The following SPTLC1 variants were observed in gnomAD, a reference collection of about 807,000 sequenced individuals.
SPTLC1 encodes serine palmitoyltransferase 1.
A neutral mutation model predicts 68.9 loss-of-function variants in SPTLC1; 55 were observed. The ratio of observed to expected loss-of-function variants is 0.80; its 90% CI spans 0.64 to 1.00. The LOEUF (loss-of-function observed/expected upper bound fraction) is 1.00, where lower values mean the gene tolerates loss of function less well. Ranked by LOEUF, SPTLC1 falls within the 50% of genes least tolerant of loss-of-function variation. The probability of loss-of-function intolerance (pLI) is 0.00; values close to 1 mark genes in which losing one functional copy is unlikely to be tolerated. For synonymous variants in SPTLC1, 197 were observed against 201.6 expected, an observed-to-expected ratio of 0.98 and a Z score of 0.19; for missense variants, 449 against 573.1, an observed-to-expected ratio of 0.78 and a Z score of 2.21.
rs2118316582 is a variant in SPTLC1, at chr9:92,032,228, GTCA to G, written c.*234_*236del. 1 of 1,435,824 alleles carries G rather than the reference GTCA, an allele frequency of 7.0e-7. No individual in the cohort carries two copies. Among genetic ancestry groups the G allele is most frequent in the Non-Finnish European group, 9.3e-7 (1 of 1,072,366 alleles). The allele number at this position is 1,435,824 out of a possible 1,614,324, so 88.9% of individuals were successfully genotyped here. On this transcript the variant is annotated 3_prime_UTR_variant, in exon 15 of 15. Transcript: ENST00000262554. ...ACAATTTAAACATCAGTTATACACT[GTCA>G]TTAGTTTTCCTCTTAAAAAAATCAG...
At chr9:92,091,205 C>G (rs1835349574) in intron 3 of SPTLC1, among the ~76,000 whole-genome samples, 1 of 152,074 alleles carries the variant, frequency 6.6e-6, no homozygotes, top group Non-Finnish European at 1.5e-5. Context: ...ATACATATTC[C>G]TGGGAGCGGG....
chr9:92,046,248 C>T (rs1046568914), intron 11 of SPTLC1, 195 bp from the exon 12 acceptor site: 1 of 605,080 alleles, frequency 1.7e-6, no homozygotes, highest in South Asian at 2.0e-5. Context: ...GGCCCCTTCT[C>T]ACCTCAGTAT....
At chr9:92,069,974 A>G (rs1258720688) in intron 5 of SPTLC1, 1 of 152,252 alleles carries the variant, frequency 6.6e-6, no homozygotes, top group African/African-American at 2.4e-5. Context: ...AACTGAGTAT[A>G]ACCCTGTTTC....
At chr9:92,033,830 G>A (rs1833052911) in intron 14 of SPTLC1, among the ~76,000 whole-genome samples, 1 of 152,154 alleles carries the variant, frequency 6.6e-6, no homozygotes, top group Non-Finnish European at 1.5e-5. Context: ...ACAGGTGTGG[G>A]CCACTGCACC....
At chr9:92,094,359 A>G (rs1022559126) in intron 3 of SPTLC1, among the ~76,000 whole-genome samples, 6 of 152,360 alleles carry the variant, frequency 3.9e-5, no homozygotes, top group African/African-American at 1.4e-4. Flanking sequence ...GCAGCTTTTT[A>G]GTTTATGCTT....
intron 3 of SPTLC1, among the ~76,000 whole-genome samples, chr9:92,081,849 T>A (rs1325713311): frequency 6.6e-6 from 1 of 152,144 alleles, no homozygotes; most frequent in Non-Finnish European, 1.5e-5. Context: ...CCAGAAAAAA[T>A]GGAGAAACAC....
chr9:92,051,760 G>A (rs534780127), intron 8 of SPTLC1, among the ~76,000 whole-genome samples: 79 of 152,238 alleles, frequency 5.2e-4, no homozygotes, highest in Non-Finnish European at 8.4e-4. Context: ...TTCAGCAGAA[G>A]TTACATTATG....
chr9:92,034,812 G>A lies in SPTLC1; in HGVS notation c.1326C>T (p.Pro442=). 6.2e-7 allele frequency: 1 copy of A among 1,613,618 alleles called. No individual in the cohort carries two copies. The highest frequency in any genetic ancestry group is 1.3e-5 in the African/African-American group (1 of 75,018). ...GTCATATTTTAACGTCAACTGACCT[G>A]GGAGGAGGGAGACACTTCTCTTCTT... ...LEKEEKCLPP[P]SIRVVVTVEQ... The change falls in exon 14 of 15, where the codon CCC becomes CCT. Residue 442 remains proline, a splice_region_variant and synonymous_variant. Coordinates refer to ENST00000262554, the MANE Select transcript of SPTLC1 (RefSeq NM_006415.4).
intron 1 of SPTLC1, among the ~76,000 whole-genome samples, chr9:92,114,692 G>A (rs759140984): frequency 1.1e-3 from 159 of 150,740 alleles, no homozygotes; most frequent in Non-Finnish European, 1.1e-3. Flanking sequence ...CCGAGATCAC[G>A]CCCTTGCACT....
chr9:92,073,968 T>A (rs1161756593), intron 5 of SPTLC1, among the ~76,000 whole-genome samples: 1 of 152,204 alleles, frequency 6.6e-6, no homozygotes, highest in Non-Finnish European at 1.5e-5. Context: ...CATGCCCCTG[T>A]GTGGGCCCTC....
intron 6 of SPTLC1, among the ~76,000 whole-genome samples, chr9:92,064,076 G>A (rs1763264687): frequency 1.3e-5 from 2 of 152,138 alleles, no homozygotes; most frequent in South Asian, 4.1e-4. Context: ...ATGACATGAC[G>A]ACTGTCTACA....
chr9:92,109,353 T>C (rs964843854), intron 2 of SPTLC1: 6 of 163,806 alleles, frequency 3.7e-5, no homozygotes, highest in Admixed American at 1.1e-4. Flanking sequence ...TAGGAGGACA[T>C]TGACCCCCAA....
intron 8 of SPTLC1, chr9:92,051,231 A>ATATGGAACC: frequency 5.1e-6 from 5 of 983,414 alleles, no homozygotes; most frequent in Non-Finnish European, 6.0e-6. Flanking sequence ...TAAAAACAAC[A>ATATGGAACC]TATGGAACCC....
rs1053461779 is a variant in SPTLC1, at chr9:92,084,590, C to T, written c.261-3627G>A. Among the ~76,000 whole-genome samples, 647 of 152,186 alleles carry T rather than the reference C, an allele frequency of 4.3e-3. 4 individuals carry two copies. Among genetic ancestry groups the T allele is most frequent in the African/African-American group, 0.014 (598 of 41,488 alleles). ...CCAGCCTTGCATCCCAGGGATGAAG[C>T]CCACTTGATCATGGTGGACAAGCTT... On this transcript the variant is annotated intron_variant, in intron 3 of 14. Coordinates refer to ENST00000262554, the MANE Select transcript of SPTLC1 (RefSeq NM_006415.4).
chr9:92,079,861 C>T, intron 5 of SPTLC1, 155 bp downstream of exon 5: 3 of 740,130 alleles, frequency 4.1e-6, no homozygotes, highest in Non-Finnish European at 7.3e-6. Flanking sequence ...CCCTATATTG[C>T]CCATGCTGGT....
In SPTLC1 at chr9:92,109,035, A is replaced by G. The variant is rs918970944; in HGVS notation, c.166-201T>C. The G allele has an allele frequency of 5.8e-6, 4 of 693,042 alleles. No homozygotes were observed. In the African/African-American group the frequency reaches 7.3e-5, roughly 13 times the overall value. The allele number at this position is 693,042 out of a possible 1,614,324, so 42.9% of individuals were successfully genotyped here. A position where few individuals can be genotyped will look rare whatever the true frequency, so the allele number is the denominator to read the frequency against. ...ATAATGACCCACCAGACACATGCCT[A>G]CCATAGAGTTGTACCTAGCCCTTGA... On this transcript the variant is annotated intron_variant, in intron 2 of 14. Transcript: ENST00000262554.
intron 8 of SPTLC1, among the ~76,000 whole-genome samples, chr9:92,053,563 C>T (rs1833784376): frequency 6.6e-6 from 1 of 152,144 alleles, no homozygotes; most frequent in African/African-American, 2.4e-5. Context: ...ATTATCCATG[C>T]AATGGACTAT....
At position 92,047,586 on chromosome 9, in the gene SPTLC1, T is replaced by C. The variant is rs974836999; in HGVS notation, c.984+27A>G. The C allele has an allele frequency of 2.7e-6, 4 of 1,486,262 alleles. No homozygotes were observed. In the African/African-American group the frequency reaches 4.2e-5, roughly 16 times the overall value. 92.1% of individuals were successfully genotyped at this position (1,486,262 alleles called of 1,614,324 possible). The stretch of plus-strand genomic sequence containing the variant: ...CCAATGGAGAAATTAGTTTCAGTTT[T>C]AGCTCCTGTTTTTAAAAAGAACCCA... On this transcript the variant is annotated intron_variant, in intron 10 of 14. Coordinates refer to ENST00000262554, the MANE Select transcript of SPTLC1 (RefSeq NM_006415.4).
chr9:92,080,100 T>C lies in SPTLC1; in HGVS notation c.355-12A>G, dbSNP rs1164658551. 3 of 1,604,156 alleles carry C rather than the reference T, an allele frequency of 1.9e-6. No individual in the cohort carries two copies. Among genetic ancestry groups the C allele is most frequent in the Non-Finnish European group, 2.6e-6 (3 of 1,171,980 alleles). On this transcript the variant is annotated splice_polypyrimidine_tract_variant and intron_variant, in intron 4 of 14. Transcript: ENST00000262554. ...GCTAAAGCTGCTGCCTTTATTGAAG[T>C]ACAAGAATTATACTTTAATAATTTA...
Sources: allele counts gnomAD v4.1 joint callset (sites outside exome capture counted in the v4.1 genomes callset), GRCh38; gene constraint gnomAD v4.1.1; transcripts MANE v1.5; gene names NCBI Gene and HGNC (gene_info 2026-07-23, HGNC 2026-07-21).